Variants in DHX15 observed in about 807,000 individuals in gnomAD.
DHX15 encodes DEAH-box helicase 15.
DHX15 carries 11 observed loss-of-function variants against 94.4 expected under a neutral mutation model. That is an observed-to-expected ratio of 0.12 (90% CI 0.07 to 0.19). The LOEUF (loss-of-function observed/expected upper bound fraction) is 0.19. DHX15 is among the 10% of genes least tolerant of loss of function. The pLI, the probability that DHX15 is intolerant of heterozygous loss-of-function variation, is 1.00. For synonymous variants in DHX15, 338 were observed against 329.9 expected (o/e 1.02, Z -0.27); for missense variants, 304 against 988.5 (o/e 0.31, Z 9.29).
chr4:24,579,103 A>T (rs1722348161), intron 1 of DHX15, among the ~76,000 whole-genome samples: 1 of 152,236 alleles, frequency 6.6e-6, no homozygotes, highest in Non-Finnish European at 1.5e-5. Flanking sequence ...TTAGCTGCTG[A>T]TCAAGCAATG....
At chr4:24,545,504 G>C (rs1433953912) in intron 6 of DHX15, among the ~76,000 whole-genome samples, 1 of 152,138 alleles carries the variant, frequency 6.6e-6, no homozygotes, top group Non-Finnish European at 1.5e-5. Flanking sequence ...ATATTAGTAA[G>C]AGCCTATTGC....
Position 24,547,915 on chromosome 4 carries a change from A to C in DHX15, c.1248+940T>G, listed in dbSNP as rs780648822. On this transcript the variant is annotated intron_variant, in intron 6 of 13. Transcript: ENST00000336812. ...TATGTATGTATGTGTATATATATATATATATATATATATATATATATATAT... is the reference window on the plus strand; with the variant it reads ...TATGTATGTATGTGTATATATATATCTATATATATATATATATATATATAT... 5.9e-4 allele frequency among the ~76,000 whole-genome samples: 32 copies of C among 53,794 alleles called. 1 individual carries two copies. Among genetic ancestry groups the C allele is most frequent in the African/African-American group, 2.0e-3 (22 of 10,978 alleles). 35.3% of individuals were successfully genotyped at this position (53,794 alleles called of 152,430 possible).
At chr4:24,553,539 C>T (rs949232691) in intron 5 of DHX15, among the ~76,000 whole-genome samples, 10 of 151,824 alleles carry the variant, frequency 6.6e-5, no homozygotes, top group Middle Eastern at 6.8e-3. Flanking sequence ...TTTGGGAACC[C>T]GAGAAGGGCA....
At chr4:24,575,166 A>AG (rs1342167973) in intron 2 of DHX15, among the ~76,000 whole-genome samples, 6 of 151,962 alleles carry the variant, frequency 3.9e-5, no homozygotes, top group African/African-American at 1.4e-4. Flanking sequence ...TAAAAAAAAA[A>AG]AAAAGAAAAG....
chr4:24,584,456 G>C lies in DHX15; in HGVS notation c.-63C>G. ...AGCTGGCTGCTGTATGGGCACAGTC[G>C]AGGACAGCCACTTAACTCTGGAGGA... On this transcript the variant is annotated 5_prime_UTR_variant, in exon 1 of 14. Coordinates refer to ENST00000336812, the MANE Select transcript of DHX15 (RefSeq NM_001358.3). 2.0e-6 allele frequency: 3 copies of C among 1,511,286 alleles called. No individual in the cohort carries two copies. Among genetic ancestry groups the C allele is most frequent in the Non-Finnish European group, 2.7e-6 (3 of 1,106,558 alleles). The allele number at this position is 1,511,286 out of a possible 1,614,324, so 93.6% of individuals were successfully genotyped here.
At chr4:24,541,034 A>G in intron 8 of DHX15, 86 bp from the exon 9 acceptor site, 5 of 720,138 alleles carry the variant, frequency 6.9e-6, no homozygotes, top group Non-Finnish European at 1.2e-5. Context: ...CTGCCTCCTG[A>G]GCTATTTGTT....
intron 3 of DHX15, among the ~76,000 whole-genome samples, chr4:24,566,225 C>A (rs1721989267): frequency 6.6e-6 from 1 of 151,784 alleles, no homozygotes; most frequent in Non-Finnish European, 1.5e-5. Context: ...ATATATAAAT[C>A]TTTTTGGAGA....
intron 3 of DHX15, 123 bp downstream of exon 3, chr4:24,570,531 G>T: frequency 1.4e-6 from 1 of 736,452 alleles, no homozygotes; most frequent in Non-Finnish European, 2.2e-6. Flanking sequence ...GTAAGTCTAA[G>T]AAGGCCTACT....
intron 6 of DHX15, among the ~76,000 whole-genome samples, chr4:24,544,614 A>G (rs1376243809): frequency 6.6e-6 from 1 of 152,224 alleles, no homozygotes; most frequent in African/African-American, 2.4e-5. Context: ...TTAATATTCT[A>G]GAAAGTCAGT....
At chr4:24,573,483 T>C (rs866377115) in intron 2 of DHX15, among the ~76,000 whole-genome samples, 2 of 152,154 alleles carry the variant, frequency 1.3e-5, no homozygotes, top group Non-Finnish European at 2.9e-5. Flanking sequence ...TCCTCCAAAA[T>C]ACTTGTAATT....
chr4:24,543,990 T>TTAA (rs1016353988), intron 6 of DHX15, among the ~76,000 whole-genome samples: 6 of 152,034 alleles, frequency 3.9e-5, no homozygotes, highest in South Asian at 2.1e-4. Context: ...ACTGTGAAAT[T>TTAA]TAAAAAGGTT....
chr4:24,582,756 T>C (rs981148494), intron 1 of DHX15, among the ~76,000 whole-genome samples: 4 of 152,184 alleles, frequency 2.6e-5, no homozygotes, highest in African/African-American at 7.2e-5. Context: ...CATTCCTTGA[T>C]TGGAGCCGCG....
At position 24,584,540 on chromosome 4, in the gene DHX15, G is replaced by A; in HGVS notation, c.-147C>T. 1 of 762,322 alleles carries A rather than the reference G, an allele frequency of 1.3e-6. No homozygotes were observed. Among genetic ancestry groups the A allele is most frequent in the Non-Finnish European group, 2.0e-6 (1 of 506,482 alleles). The allele number at this position is 762,322 out of a possible 1,614,324, so 47.2% of individuals were successfully genotyped here. On this transcript the variant is annotated 5_prime_UTR_variant, in exon 1 of 14. Transcript: ENST00000336812. ...TGCGGCCGGAACCAACAGCTAAAAT[G>A]GCGGCGGCGACGAGGGCTGGGCCTG...
At chr4:24,540,630 C>G (rs1210900740) in intron 9 of DHX15, among the ~76,000 whole-genome samples, 1 of 140,062 alleles carries the variant, frequency 7.1e-6, no homozygotes, top group Non-Finnish European at 1.6e-5. Flanking sequence ...CAAACCCCCC[C>G]ATAATAACTT....
chr4:24,557,791 C>T (rs1279843622), intron 3 of DHX15, among the ~76,000 whole-genome samples: 1 of 151,944 alleles, frequency 6.6e-6, no homozygotes, highest in Non-Finnish European at 1.5e-5. Context: ...ACACTATAGC[C>T]CTTAGCTGCT....
chr4:24,580,235 C>T (rs543508086), intron 1 of DHX15, among the ~76,000 whole-genome samples: 212 of 152,170 alleles, frequency 1.4e-3, no homozygotes, highest in Non-Finnish European at 2.5e-3. Context: ...CAGTGAGACC[C>T]CATCTCTACA....
In DHX15 at chr4:24,539,447, A is replaced by G. The variant is rs545695725; in HGVS notation, c.1786+661T>C. On this transcript the variant is annotated intron_variant, in intron 10 of 13. Coordinates refer to ENST00000336812, the MANE Select transcript of DHX15 (RefSeq NM_001358.3). ...TTTCCAAGTTACTATTCATTTGTGGATTACATTTTATTGTTACTAAAAACA... is the reference window on the plus strand; with the variant it reads ...TTTCCAAGTTACTATTCATTTGTGGGTTACATTTTATTGTTACTAAAAACA... Among the ~76,000 whole-genome samples the G allele has an allele frequency of 4.6e-5, 7 of 152,206 alleles. No homozygotes were observed. In the South Asian group the frequency reaches 1.5e-3, roughly 32 times the overall value.
At chr4:24,529,989 G>A in intron 12 of DHX15, 1 of 556,106 alleles carries the variant, frequency 1.8e-6, no homozygotes, top group South Asian at 2.5e-5. Flanking sequence ...ATCCAAAATG[G>A]TTTATTTATC....
chr4:24,546,519 G>C, intron 6 of DHX15, among the ~76,000 whole-genome samples: 1 of 152,300 alleles, frequency 6.6e-6, no homozygotes, highest in South Asian at 2.1e-4. Flanking sequence ...AAGAATTACT[G>C]TAACTTTTAA....
Sources: allele counts gnomAD v4.1 joint callset (sites outside exome capture counted in the v4.1 genomes callset), GRCh38; gene constraint gnomAD v4.1.1; transcripts MANE v1.5; gene names NCBI Gene and HGNC (gene_info 2026-07-23, HGNC 2026-07-21).